The following KIFC1 variants were observed in gnomAD, a reference collection of about 807,000 sequenced individuals.
KIFC1 encodes kinesin-like protein KIFC1.
Under a neutral mutation model 66.6 loss-of-function variants are expected in KIFC1, and 37 were observed. The ratio of observed to expected loss-of-function variants is 0.56; its 90% CI spans 0.43 to 0.73. KIFC1 has a LOEUF of 0.73. KIFC1 is among the 30% of genes least tolerant of loss of function. KIFC1 has a pLI of 0.00. For synonymous variants in KIFC1, 325 were observed against 343.5 expected (o/e 0.95, Z 0.60); for missense variants, 721 against 859.8 (o/e 0.84, Z 2.02).
chr6:33,395,748 G>A (rs1421215689), intron 1 of KIFC1, among the ~76,000 whole-genome samples: 2 of 152,000 alleles, frequency 1.3e-5, no homozygotes, highest in Non-Finnish European at 2.9e-5. Flanking sequence ...GAAGGGCACA[G>A]GTTATTTTTA....
chr6:33,397,066 C>T (rs1233971746), intron 1 of KIFC1, among the ~76,000 whole-genome samples: 11 of 148,724 alleles, frequency 7.4e-5, no homozygotes, highest in Admixed American at 2.0e-4. Flanking sequence ...CTCGGCTCAC[C>T]GCAACCTCCA....
At position 33,404,718 on chromosome 6, in the gene KIFC1, C is replaced by G; in HGVS notation, c.757-134C>G. The G allele has an allele frequency of 2.6e-6, 2 of 761,750 alleles. No individual in the cohort carries two copies. The highest frequency in any genetic ancestry group is 4.3e-6 in the Non-Finnish European group (2 of 468,004). 47.2% of individuals were successfully genotyped at this position (761,750 alleles called of 1,614,324 possible). Reference sequence around the variant, plus strand: ...GTACCATGATTCCTTATTTTCTCATCTTTCTTTGTTTACCAGACTTTGAGG... The same window carrying G: ...GTACCATGATTCCTTATTTTCTCATGTTTCTTTGTTTACCAGACTTTGAGG... On this transcript the variant is annotated intron_variant, in intron 6 of 10. Transcript: ENST00000428849. The surrounding 1 kb of genome is among the most constrained non-coding windows in gnomAD (Gnocchi z 4.0).
At chr6:33,409,188 G>A (rs775282401) in intron 10 of KIFC1, among the ~76,000 whole-genome samples, 2 of 152,038 alleles carry the variant, frequency 1.3e-5, no homozygotes, top group Non-Finnish European at 2.9e-5. Flanking sequence ...AAAAAAAAGA[G>A]CCTCCTTCAG....
intron 3 of KIFC1, among the ~76,000 whole-genome samples, chr6:33,402,791 C>T (rs1451907169): frequency 5.3e-5 from 8 of 151,562 alleles, no homozygotes; most frequent in African/African-American, 1.5e-4. Flanking sequence ...AGTTTGAGGC[C>T]AGCCTAATCA....
Position 33,403,671 on chromosome 6 carries a change from G to A in KIFC1, c.356-58G>A. On this transcript the variant is annotated intron_variant, in intron 5 of 10. Coordinates refer to ENST00000428849, the MANE Select transcript of KIFC1 (RefSeq NM_002263.4). This position sits in a 1 kb window ranked among gnomAD's most constrained non-coding sequence, Gnocchi z 4.6. ...TGTGGATCCCATAAAGGCTAGAAGG[G>A]AGGAGGGATAGAGAGCCTAGACTTC... The A allele has an allele frequency of 1.3e-6, 2 of 1,594,366 alleles. No homozygotes were observed. The highest frequency in any genetic ancestry group is 1.1e-5 in the South Asian group (1 of 89,942).
chr6:33,407,831 C>T (rs1231327978), intron 10 of KIFC1, among the ~76,000 whole-genome samples: 1 of 152,180 alleles, frequency 6.6e-6, no homozygotes, highest in Non-Finnish European at 1.5e-5. Flanking sequence ...TTACTGTCTG[C>T]CTCCACAGTA....
upstream of KIFC1, chr6:33,391,669 C>T (rs1348384448): frequency 2.0e-5 from 11 of 560,752 alleles, no homozygotes; most frequent in Non-Finnish European, 3.2e-5. Context: ...AATCCGCCTA[C>T]CTCTCCTGCG....
At chr6:33,402,306 A>G (rs1192997765) in intron 3 of KIFC1, among the ~76,000 whole-genome samples, 3 of 152,182 alleles carry the variant, frequency 2.0e-5, no homozygotes, top group Non-Finnish European at 2.9e-5. Flanking sequence ...CTCCATTATA[A>G]TGTTACGGGG....
At position 33,404,059 on chromosome 6, in the gene KIFC1, A is replaced by G. The variant is rs1775510065; in HGVS notation, c.686A>G (p.Glu229Gly). ...AGCACGCAGGAGGGCTTGGTGCAAG[A>G]GCTTCAGAAAAAACAGGTGGAATTG... is the stretch of plus-strand genomic sequence containing the variant. ...RLSTQEGLVQ[E>G]LQKKQVELQE... is the part of the protein sequence containing the mutation. Residue 229 changes from glutamate to glycine, a missense_variant, in exon 6 of 11, where the codon GAG becomes GGG. Physicochemically the swap from Glu to Gly is moderately conservative, Grantham distance 98. Transcript: ENST00000428849. The surrounding 1 kb of genome is among the most constrained non-coding windows in gnomAD (Gnocchi z 4.0). 1.2e-6 allele frequency: 2 copies of G among 1,614,102 alleles called. No homozygotes were observed. The highest frequency in any genetic ancestry group is 1.7e-6 in the Non-Finnish European group (2 of 1,180,020).
rs775078595 is a variant in KIFC1 at position 33,400,627 on chromosome 6, C to T, written c.250+2240C>T. On this transcript the variant is annotated intron_variant, in intron 3 of 10. Transcript: ENST00000428849. The surrounding 1 kb of genome is among the most constrained non-coding windows in gnomAD (Gnocchi z 4.3). ...AAGAAAGTTGCACCTTGGCCTCCTC[C>T]GAGCCGAAAGCCGAGAGCTTCTCTC... 292 of 770,530 alleles carry T rather than the reference C, an allele frequency of 3.8e-4. 1 individual carries two copies. The highest frequency in any genetic ancestry group is 5.3e-4 in the Non-Finnish European group (246 of 466,992). 47.7% of individuals were successfully genotyped at this position (770,530 alleles called of 1,614,324 possible).
At position 33,403,960 on chromosome 6, in the gene KIFC1, A is replaced by G. The variant is rs1775503809; in HGVS notation, c.587A>G (p.Gln196Arg). Residue 196 changes from glutamine to arginine, a missense_variant, in exon 6 of 11, where the codon CAG (glutamine) becomes CGG (arginine). Transcript: ENST00000428849. The surrounding 1 kb of genome is among the most constrained non-coding windows in gnomAD (Gnocchi z 4.6). ...CTGGAGGGGCATTTAGCCAAGGTAC[A>G]GGCCCAGGCTGAGCAGGGCCAACAG... ...TTLEGHLAKVQAQAEQGQQEL... is the reference protein window; with the variant it reads ...TTLEGHLAKVRAQAEQGQQEL... 1 of 1,614,258 alleles carries G rather than the reference A, an allele frequency of 6.2e-7. No individual in the cohort carries two copies. The highest frequency in any genetic ancestry group is 1.3e-5 in the African/African-American group (1 of 75,074).
At position 33,403,275 on chromosome 6, in the gene KIFC1, T is replaced by A; in HGVS notation, c.251-39T>A. 1 of 1,578,328 alleles carries A rather than the reference T, an allele frequency of 6.3e-7. No individual in the cohort carries two copies. The highest frequency in any genetic ancestry group is 8.7e-7 in the Non-Finnish European group (1 of 1,149,100). On this transcript the variant is annotated intron_variant, in intron 3 of 10. Coordinates refer to ENST00000428849, the MANE Select transcript of KIFC1 (RefSeq NM_002263.4). This position sits in a 1 kb window ranked among gnomAD's most constrained non-coding sequence, Gnocchi z 4.6. ...GCAAGTGTACATGCCATCTTAAGAA[T>A]GATCATTCTACCTTTGCTCTCTCCC... is the stretch of plus-strand genomic sequence containing the variant.
intron 10 of KIFC1, among the ~76,000 whole-genome samples, chr6:33,408,906 C>G (rs1320591482): frequency 6.6e-6 from 1 of 151,098 alleles, no homozygotes; most frequent in African/African-American, 2.4e-5. Context: ...GGCGCGGTGG[C>G]TCATGCCTGT....
intron 3 of KIFC1, among the ~76,000 whole-genome samples, chr6:33,402,892 CG>C (rs940026431): frequency 6.6e-6 from 1 of 152,120 alleles, no homozygotes; most frequent in African/African-American, 2.4e-5. Context: ...GAGGCTGAGG[CG>C]GGAGAATCGC....
intron 3 of KIFC1, among the ~76,000 whole-genome samples, chr6:33,402,740 A>AG (rs1775440864): frequency 6.7e-6 from 1 of 149,632 alleles, no homozygotes; most frequent in African/African-American, 2.5e-5. Flanking sequence ...CAAAAAAAAA[A>AG]CAAAATGGAG....
At position 33,401,651 on chromosome 6, in the gene KIFC1, AACAC is replaced by A. The variant is rs756682207; in HGVS notation, c.251-1659_251-1656del. Among the ~76,000 whole-genome samples the A allele has an allele frequency of 6.6e-4, 100 of 151,884 alleles. No individual in the cohort carries two copies. Among genetic ancestry groups the A allele is most frequent in the Admixed American group, 2.6e-4 (4 of 15,274 alleles). On this transcript the variant is annotated intron_variant, in intron 3 of 10. Transcript: ENST00000428849. The surrounding 1 kb of genome is among the most constrained non-coding windows in gnomAD (Gnocchi z 4.5). ...TCACTGGAAGATCTTCAGGGGCAGT[AACAC>A]ACATGGAGATGTGACTTCCTGTGAT...
At position 33,405,018 on chromosome 6, in the gene KIFC1, A is replaced by T. The variant is rs1415540535; in HGVS notation, c.923A>T (p.Lys308Met). The change falls in exon 7 of 11, where the codon AAG becomes ATG. Residue 308 changes from lysine to methionine, a missense_variant. Coordinates refer to ENST00000428849, the MANE Select transcript of KIFC1 (RefSeq NM_002263.4). The surrounding 1 kb of genome is among the most constrained non-coding windows in gnomAD (Gnocchi z 5.4). ...CTGCACAACCAGCTGCAGGAACTCA[A>T]GGGCAACATCCGTGTATTCTGCCGG... ...RRLHNQLQEL[K>M]GNIRVFCRVR... 6.2e-7 allele frequency: 1 copy of T among 1,614,036 alleles called. No individual in the cohort carries two copies. Among genetic ancestry groups the T allele is most frequent in the Non-Finnish European group, 8.5e-7 (1 of 1,180,038 alleles).
At position 33,403,509 on chromosome 6, in the gene KIFC1, C is replaced by T; in HGVS notation, c.329C>T (p.Pro110Leu). Residue 110 changes from proline (P) to leucine (L), a missense_variant, in exon 5 of 11, where the codon CCT becomes CTT. Physicochemically the swap from Pro to Leu is moderately conservative, Grantham distance 98. Transcript: ENST00000428849. The surrounding 1 kb of genome is among the most constrained non-coding windows in gnomAD (Gnocchi z 4.6). ...ATGLKNQKPV[P>L]AVPVQKSGTS... ...GGGTTGAAGAACCAGAAGCCAGTTC[C>T]TGCTGTTCCTGTCCAGAAGTCTGGC... The T allele has an allele frequency of 6.2e-7, 1 of 1,614,184 alleles. No individual in the cohort carries two copies. The highest frequency in any genetic ancestry group is 8.5e-7 in the Non-Finnish European group (1 of 1,180,000).
In KIFC1 at chr6:33,404,459, G is replaced by A. The variant is rs1775537917; in HGVS notation, c.756+330G>A. ...TGGTACTCTCTTTCCCTCCTCCCAT[G>A]TCCACTTGACTCCTTCCTGGTGAGC... On this transcript the variant is annotated intron_variant, in intron 6 of 10. Coordinates refer to ENST00000428849, the MANE Select transcript of KIFC1 (RefSeq NM_002263.4). This position sits in a 1 kb window ranked among gnomAD's most constrained non-coding sequence, Gnocchi z 4.0. Among the ~76,000 whole-genome samples the A allele has an allele frequency of 6.6e-6, 1 of 151,986 alleles. No individual in the cohort carries two copies. The highest frequency in any genetic ancestry group is 1.5e-5 in the Non-Finnish European group (1 of 68,020).
Sources: allele counts gnomAD v4.1 joint callset (sites outside exome capture counted in the v4.1 genomes callset), GRCh38; gene constraint gnomAD v4.1.1; non-coding constraint Gnocchi (gnomAD v3.1); transcripts MANE v1.5; gene names NCBI Gene and HGNC (gene_info 2026-07-23, HGNC 2026-07-21).